The following HTT variants were observed in gnomAD, a reference collection of about 807,000 sequenced individuals.
HTT encodes the protein huntingtin.
A neutral mutation model predicts 362.3 loss-of-function variants in HTT; 104 were observed. That is an observed-to-expected ratio of 0.29 (90% CI 0.24 to 0.34). The LOEUF (loss-of-function observed/expected upper bound fraction) is 0.34, where lower values mean the gene tolerates loss of function less well. HTT is among the 10% of genes least tolerant of loss of function. The probability of loss-of-function intolerance (pLI) is 1.00; values close to 1 mark genes in which losing one functional copy is unlikely to be tolerated. For missense variants in HTT, 3,301 were observed against 3,928.6 expected, an observed-to-expected ratio of 0.84 and a Z score of 4.27; for synonymous variants, 1,577 against 1,548.7, an observed-to-expected ratio of 1.02 and a Z score of -0.43.
Position 3,136,213 on chromosome 4 carries a change from C to T in HTT, c.2698-13C>T. The T allele has an allele frequency of 6.5e-7, 1 of 1,539,276 alleles. No individual in the cohort carries two copies. The highest frequency in any genetic ancestry group is 8.9e-7 in the Non-Finnish European group (1 of 1,118,320). ...CAAGATTATGTTTATTTTTATTATCCTTCTCTCTAAAGCTTTTAAAACTGC... is the reference window on the plus strand; with the variant it reads ...CAAGATTATGTTTATTTTTATTATCTTTCTCTCTAAAGCTTTTAAAACTGC... On this transcript the variant is annotated splice_polypyrimidine_tract_variant and intron_variant, in intron 20 of 66. Coordinates refer to ENST00000355072, the MANE Select transcript of HTT (RefSeq NM_001388492.1).
chr4:3,077,971 G>C (rs563100919), intron 1 of HTT, among the ~76,000 whole-genome samples: 1 of 152,308 alleles, frequency 6.6e-6, no homozygotes, highest in African/African-American at 2.4e-5. Flanking sequence ...AATTTAGAAA[G>C]TATCTGTTCT....
At chr4:3,193,759 T>C (rs1211313015) in intron 40 of HTT, among the ~76,000 whole-genome samples, 3 of 152,230 alleles carry the variant, frequency 2.0e-5, no homozygotes, top group Admixed American at 6.5e-5. Context: ...TATTTAATTT[T>C]AATTAACTTA....
rs775364274 is a variant in HTT, at chr4:3,220,293, C to T, written c.7354C>T (p.Arg2452Cys). Residue 2452 changes from arginine to cysteine, a missense_variant, in exon 53 of 67, where the codon CGC becomes TGC. This residue lies in a region of HTT where 753 missense variants were observed against 1,021.3 expected (regional missense o/e 0.74). Transcript: ENST00000355072. ...GGAAGTCTTTAAGGAGTTCATCTACCGCATCAACACACTAGGTACTCTTGG... is the reference window on the plus strand; with the variant it reads ...GGAAGTCTTTAAGGAGTTCATCTACTGCATCAACACACTAGGTACTCTTGG... ...EKEVFKEFIY[R>C]INTLGWTSRT... 5 of 1,614,002 alleles carry T rather than the reference C, an allele frequency of 3.1e-6. No homozygotes were observed. The highest frequency in any genetic ancestry group is 2.2e-5 in the East Asian group (1 of 44,888).
chr4:3,229,145 G>GCCACACGCACCATAGACA, intron 59 of HTT, 136 bp downstream of exon 59: 1 of 784,482 alleles, frequency 1.3e-6, no homozygotes, highest in Non-Finnish European at 2.0e-6. Context: ...ACACACACAG[G>GCCACACGCACCATAGACA]CCACACGCAC....
chr4:3,220,067 A>G (rs1720603705), intron 52 of HTT, 115 bp from the exon 53 acceptor site: 2 of 1,104,216 alleles, frequency 1.8e-6, no homozygotes, highest in South Asian at 1.5e-5. Context: ...GCTCTGGGAC[A>G]GTGTTGGGGT....
At chr4:3,096,313 A>C (rs964149265) in intron 2 of HTT, among the ~76,000 whole-genome samples, 3 of 152,238 alleles carry the variant, frequency 2.0e-5, no homozygotes, top group African/African-American at 7.2e-5. Context: ...GATTTGTAGA[A>C]CACGTAGCCA....
intron 29 of HTT, 91 bp downstream of exon 29, chr4:3,160,483 T>G (rs1717385622): frequency 1.1e-6 from 1 of 906,836 alleles, no homozygotes; most frequent in Non-Finnish European, 1.8e-6. Flanking sequence ...AGCCTGGTTC[T>G]CCAGGGTGCC....
intron 1 of HTT, among the ~76,000 whole-genome samples, chr4:3,078,445 C>G (rs1310243495): frequency 6.6e-6 from 1 of 152,144 alleles, no homozygotes; most frequent in Non-Finnish European, 1.5e-5. Flanking sequence ...CAGGGTTAAT[C>G]GAGTGTTAAC....
At chr4:3,167,308 T>C (rs1357022346) in intron 29 of HTT, among the ~76,000 whole-genome samples, 3 of 152,112 alleles carry the variant, frequency 2.0e-5, no homozygotes, top group Admixed American at 6.5e-5. Flanking sequence ...CCTGACCTTG[T>C]GATCCACCCA....
At chr4:3,083,554 C>T (rs1007023662) in intron 1 of HTT, among the ~76,000 whole-genome samples, 8,352 of 148,006 alleles carry the variant, frequency 0.056, 537 homozygotes, top group African/African-American at 0.14. Flanking sequence ...CACACACACA[C>T]ACACACACAC....
At chr4:3,191,487 G>T (rs2110252798) in intron 40 of HTT, among the ~76,000 whole-genome samples, 1 of 152,180 alleles carries the variant, frequency 6.6e-6, no homozygotes, top group African/African-American at 2.4e-5. Context: ...TTTCATTTTT[G>T]AAATCAATGT....
intron 1 of HTT, among the ~76,000 whole-genome samples, chr4:3,082,833 C>G (rs1003165234): frequency 5.9e-5 from 9 of 152,094 alleles, no homozygotes; most frequent in African/African-American, 2.2e-4. Context: ...GGTGAGCCTG[C>G]GGAGAGCTCC....
chr4:3,080,588 A>G (rs571911197), intron 1 of HTT, among the ~76,000 whole-genome samples: 1 of 152,318 alleles, frequency 6.6e-6, no homozygotes, highest in South Asian at 2.1e-4. Flanking sequence ...TTTGAAGTGT[A>G]AAAGTTTTTA....
At chr4:3,160,997 G>A (rs182335756) in intron 29 of HTT, among the ~76,000 whole-genome samples, 2 of 152,082 alleles carry the variant, frequency 1.3e-5, no homozygotes, top group East Asian at 1.9e-4. Flanking sequence ...AGGTATACAC[G>A]TGCCATGATG....
At chr4:3,111,712 T>A (rs1386014268) in intron 6 of HTT, among the ~76,000 whole-genome samples, 1 of 152,140 alleles carries the variant, frequency 6.6e-6, no homozygotes, top group Non-Finnish European at 1.5e-5. Flanking sequence ...TGTAAACACC[T>A]CTTGAGATTA....
chr4:3,112,785 TAG>T (rs1201733450), intron 6 of HTT, among the ~76,000 whole-genome samples: 10 of 152,164 alleles, frequency 6.6e-5, no homozygotes, highest in Non-Finnish European at 1.5e-4. Context: ...TGTTGGGTGA[TAG>T]GGTGTGTGCA....
In HTT at chr4:3,142,875, A is replaced by G; in HGVS notation, c.3055A>G (p.Arg1019Gly). Residue 1019 changes from arginine to glycine, a missense_variant, in exon 23 of 67, where the codon AGA becomes GGA. Around this residue, in one of 4 missense-constraint regions of HTT, gnomAD observed 2,316 missense variants for 2,658.5 expected, o/e 0.87. Coordinates refer to ENST00000355072, the MANE Select transcript of HTT (RefSeq NM_001388492.1). ...VSHELITSTT[R>G]ALTFGCCEAL... Reference sequence around the variant, plus strand: ...TCATGAACTAATCACATCAACCACCAGAGCACTCACAGTAAGTCTCTTTCT... The same window carrying G: ...TCATGAACTAATCACATCAACCACCGGAGCACTCACAGTAAGTCTCTTTCT... The G allele has an allele frequency of 6.2e-7, 1 of 1,613,036 alleles. No individual in the cohort carries two copies. The highest frequency in any genetic ancestry group is 1.1e-5 in the South Asian group (1 of 91,062).
At chr4:3,144,065 G>T (rs1309467234) in intron 23 of HTT, among the ~76,000 whole-genome samples, 1 of 152,070 alleles carries the variant, frequency 6.6e-6, no homozygotes, top group Non-Finnish European at 1.5e-5. Flanking sequence ...GTAATATTGA[G>T]TGAAAAAAGG....
chr4:3,235,223 G>T, intron 61 of HTT, 61 bp from the exon 62 acceptor site: 2 of 1,192,186 alleles, frequency 1.7e-6, no homozygotes, highest in Non-Finnish European at 1.2e-6. Context: ...CGGACATGCT[G>T]TGAAGCCCTC....
Sources: gnomAD v4.1 joint callset for allele counts (sites outside exome capture counted in the v4.1 genomes callset) on GRCh38, gnomAD v4.1.1 for gene constraint, gnomAD v4.1.1 regional missense constraint, MANE v1.5 for transcripts, NCBI Gene and HGNC (gene_info 2026-07-23, HGNC 2026-07-21) for gene names.